Variants in TMOD2 observed in about 807,000 individuals in gnomAD.
TMOD2 encodes tropomodulin-2.
A neutral mutation model predicts 39.9 loss-of-function variants in TMOD2; 22 were observed. That is an observed-to-expected ratio of 0.55 (90% confidence interval 0.39 to 0.79). The LOEUF (loss-of-function observed/expected upper bound fraction) is 0.79. Ranked by LOEUF, TMOD2 falls within the 30% of genes least tolerant of loss-of-function variation. The pLI is 0.00. For missense variants in TMOD2, 386 were observed against 413.3 expected (o/e 0.93, Z 0.57); for synonymous variants, 123 against 146.1 (o/e 0.84, Z 1.14).
intron 9 of TMOD2, among the ~76,000 whole-genome samples, chr15:51,807,024 C>T (rs1236725990): frequency 6.6e-6 from 1 of 152,202 alleles, no homozygotes; most frequent in South Asian, 2.1e-4. Flanking sequence ...TTCGTGTGGC[C>T]ACTTGTTGCT....
chr15:51,789,475 T>C (rs1292512275), intron 7 of TMOD2, among the ~76,000 whole-genome samples: 1 of 152,132 alleles, frequency 6.6e-6, no homozygotes, highest in Non-Finnish European at 1.5e-5. Flanking sequence ...AACAAGGATA[T>C]CCAGGACTTG....
chr15:51,761,570 G>A (rs1010648955), intron 1 of TMOD2, among the ~76,000 whole-genome samples: 1 of 150,282 alleles, frequency 6.7e-6, no homozygotes. Flanking sequence ...CTGCAAAAAA[G>A]AAAAAAAAAT....
chr15:51,781,223 A>C, intron 6 of TMOD2, 49 bp downstream of exon 6: 1 of 1,534,236 alleles, frequency 6.5e-7, no homozygotes, highest in Non-Finnish European at 8.8e-7. Context: ...ATGAGGTCAG[A>C]AAACTTACCA....
At position 51,766,453 on chromosome 15, in the gene TMOD2, C is replaced by T; in HGVS notation, c.12C>T (p.Pro4=). The T allele has an allele frequency of 6.2e-7, 1 of 1,613,954 alleles. No homozygotes were observed. The highest frequency in any genetic ancestry group is 8.5e-7 in the Non-Finnish European group (1 of 1,179,902). Residue 4 remains proline, a synonymous_variant, in exon 2 of 10, where the codon CCC becomes CCT. Coordinates refer to ENST00000249700, the MANE Select transcript of TMOD2 (RefSeq NM_014548.4). MAL[P]FQKELEKYKN... ...GCTTATAAGAAGCCATGGCACTCCC[C>T]TTTCAAAAAGAGCTGGAGAAATACA...
At chr15:51,786,664 A>C (rs184157649) in intron 7 of TMOD2, among the ~76,000 whole-genome samples, 15 of 152,342 alleles carry the variant, frequency 9.8e-5, no homozygotes, top group Admixed American at 6.5e-5. Flanking sequence ...GATTGAGTTT[A>C]GTTTACTGTG....
intron 2 of TMOD2, chr15:51,766,809 T>G: frequency 3.2e-6 from 1 of 311,950 alleles, no homozygotes; most frequent in Non-Finnish European, 5.9e-6. Flanking sequence ...ATATTTTCCG[T>G]TGGTTGAGAA....
At position 51,782,838 on chromosome 15, in the gene TMOD2, A is replaced by G; in HGVS notation, c.732+10A>G. The G allele has an allele frequency of 6.2e-7, 1 of 1,606,132 alleles. No homozygotes were observed. Among genetic ancestry groups the G allele is most frequent in the East Asian group, 2.2e-5 (1 of 44,846 alleles). ...TGACCCTGTGGCCATTGTGAGTAAAATTCTTAGAAATATAACATGAAGTTA... is the reference window on the plus strand; with the variant it reads ...TGACCCTGTGGCCATTGTGAGTAAAGTTCTTAGAAATATAACATGAAGTTA... On this transcript the variant is annotated intron_variant, in intron 7 of 9. Transcript: ENST00000249700.
chr15:51,783,015 T>C (rs2055942206), intron 7 of TMOD2, 187 bp downstream of exon 7: 1 of 571,026 alleles, frequency 1.8e-6, no homozygotes, highest in Non-Finnish European at 3.1e-6. Flanking sequence ...CTTTAAGTTA[T>C]CTGGAATTTT....
chr15:51,790,695 T>C (rs2056004912), intron 7 of TMOD2, among the ~76,000 whole-genome samples: 1 of 152,144 alleles, frequency 6.6e-6, no homozygotes, highest in Non-Finnish European at 1.5e-5. Context: ...CAAGGGTGGT[T>C]CAACATACGC....
At chr15:51,762,512 A>G (rs2055788263) in intron 1 of TMOD2, among the ~76,000 whole-genome samples, 1 of 152,202 alleles carries the variant, frequency 6.6e-6, no homozygotes, top group South Asian at 2.1e-4. Flanking sequence ...CGACTTCCAC[A>G]TAGGTTTTTT....
In TMOD2 at chr15:51,773,774, G is replaced by T; in HGVS notation, c.346G>T (p.Asp116Tyr). Residue 116 changes from aspartate to tyrosine, a missense_variant, in exon 4 of 10, where the codon GAC becomes TAC. Transcript: ENST00000249700. ...ETRKEEKVTL[D>Y]PELEEALASA... is the part of the protein sequence containing the mutation. ...TCGTAAAGAAGAAAAAGTGACCCTT[G>T]ACCCAGAACTGGAAGAAGCTTTGGC... The T allele has an allele frequency of 2.5e-6, 4 of 1,613,710 alleles. No individual in the cohort carries two copies. The highest frequency in any genetic ancestry group is 2.2e-5 in the South Asian group (2 of 91,002).
intron 7 of TMOD2, among the ~76,000 whole-genome samples, chr15:51,795,223 C>G (rs549876357): frequency 4.4e-4 from 67 of 152,182 alleles, no homozygotes; most frequent in African/African-American, 1.6e-3. Context: ...GAGTTCGAGA[C>G]CAGCCTGGCC....
At chr15:51,793,564 C>T (rs926264049) in intron 7 of TMOD2, among the ~76,000 whole-genome samples, 2 of 152,220 alleles carry the variant, frequency 1.3e-5, no homozygotes, top group African/African-American at 2.4e-5. Flanking sequence ...TATTTCTACT[C>T]TACTTCAATT....
At chr15:51,796,268 C>G (rs1480242803) in intron 7 of TMOD2, among the ~76,000 whole-genome samples, 1 of 152,136 alleles carries the variant, frequency 6.6e-6, no homozygotes, top group Non-Finnish European at 1.5e-5. Context: ...TGCCCTCTTG[C>G]TCAAATATAA....
Position 51,810,669 on chromosome 15 carries a change from T to C in TMOD2, c.*2215T>C, listed in dbSNP as rs150963147. The C allele has an allele frequency of 2.6e-4, 40 of 152,298 alleles. No homozygotes were observed. In the Middle Eastern group the frequency reaches 0.014, roughly 52 times the overall value. 9.4% of individuals were successfully genotyped at this position (152,298 alleles called of 1,614,324 possible). On this transcript the variant is annotated 3_prime_UTR_variant, in exon 10 of 10. Transcript: ENST00000249700. ...CGAAGGGAAGAACATTTCTCTTAGA[T>C]GTCTTTTCTCCTCTTTGGATTTGTT... is the stretch of plus-strand genomic sequence containing the variant.
chr15:51,769,017 T>A (rs75549154), intron 3 of TMOD2, among the ~76,000 whole-genome samples: 4,857 of 152,338 alleles, frequency 0.032, 121 homozygotes, highest in Non-Finnish European at 0.05. Flanking sequence ...GATAATGATG[T>A]GTCCATGATG....
At chr15:51,783,887 T>A (rs182534461) in intron 7 of TMOD2, 5 of 152,380 alleles carry the variant, frequency 3.3e-5, no homozygotes, top group Admixed American at 1.3e-4. Context: ...TAAATACTTA[T>A]ACCATCACTA....
rs150490342 is a variant in TMOD2 at position 51,773,623 on chromosome 15, A to G, written c.284-89A>G. 2,575 of 1,365,866 alleles carry G rather than the reference A, an allele frequency of 1.9e-3. 41 individuals carry two copies. The African/African-American group carries it at 0.034, about 18-fold the overall frequency. The allele number at this position is 1,365,866 out of a possible 1,614,324, so 84.6% of individuals were successfully genotyped here. ...AACTGGCTTAATTATATGGGTCTCAATGGCCAGAACTGCATTCTCTGCTCA... is the reference window on the plus strand; with the variant it reads ...AACTGGCTTAATTATATGGGTCTCAGTGGCCAGAACTGCATTCTCTGCTCA... On this transcript the variant is annotated intron_variant, in intron 3 of 9. Transcript: ENST00000249700.
chr15:51,765,596 C>A (rs1297117132), intron 1 of TMOD2, among the ~76,000 whole-genome samples: 1 of 152,150 alleles, frequency 6.6e-6, no homozygotes, highest in East Asian at 1.9e-4. Flanking sequence ...TCTGTAGAAT[C>A]CTCTGCAAGG....
Sources: allele counts gnomAD v4.1 joint callset (sites outside exome capture counted in the v4.1 genomes callset), GRCh38; gene constraint gnomAD v4.1.1; transcripts MANE v1.5; gene names NCBI Gene and HGNC (gene_info 2026-07-23, HGNC 2026-07-21).